The following RORA variants were observed in gnomAD, a reference collection of about 807,000 sequenced individuals.
The protein encoded by RORA is RAR related orphan receptor A.
In RORA, 7 loss-of-function variants were observed where a neutral mutation model predicts 69.5. The ratio of observed to expected loss-of-function variants is 0.10; its 90% CI spans 0.06 to 0.19. RORA has a LOEUF of 0.19. RORA is among the 10% of genes least tolerant of loss of function. The probability of loss-of-function intolerance (pLI) is 1.00; values close to 1 mark genes in which losing one functional copy is unlikely to be tolerated. For synonymous variants in RORA, 261 were observed against 240.8 expected (o/e 1.08, Z -0.78); for missense variants, 457 against 663.0 (o/e 0.69, Z 3.41).
intron 2 of RORA, among the ~76,000 whole-genome samples, chr15:60,656,207 C>T (rs1181884372): frequency 6.6e-6 from 1 of 152,176 alleles, no homozygotes; most frequent in Non-Finnish European, 1.5e-5. Flanking sequence ...TTCGCAGATA[C>T]GGAAACCAGG....
At chr15:61,173,136 G>T (rs1457287574) in intron 1 of RORA, among the ~76,000 whole-genome samples, 1 of 151,978 alleles carries the variant, frequency 6.6e-6, no homozygotes. Flanking sequence ...ACTGTACGAG[G>T]ATCCTCTCAT....
At chr15:60,982,949 C>T (rs1329329220) in intron 1 of RORA, among the ~76,000 whole-genome samples, 1 of 152,088 alleles carries the variant, frequency 6.6e-6, no homozygotes, top group African/African-American at 2.4e-5. Flanking sequence ...AGGCGAGGCA[C>T]CTCCTGCTTC....
At chr15:60,626,853 T>C (rs2069596808) in intron 2 of RORA, among the ~76,000 whole-genome samples, 1 of 152,232 alleles carries the variant, frequency 6.6e-6, no homozygotes, top group Admixed American at 6.5e-5. Flanking sequence ...GGCTCATTCA[T>C]AGACTTTGCT....
intron 1 of RORA, chr15:61,176,111 A>G (rs572700825): frequency 6.6e-6 from 1 of 152,310 alleles, no homozygotes; most frequent in African/African-American, 2.4e-5. Context: ...TACTTTGAAT[A>G]TTTTAGCACT....
At chr15:61,076,857 G>A (rs1424270119) in intron 1 of RORA, among the ~76,000 whole-genome samples, 1 of 151,640 alleles carries the variant, frequency 6.6e-6, no homozygotes, top group African/African-American at 2.4e-5. Context: ...AAAGAACTGT[G>A]AACTGTTCAG....
At chr15:61,215,758 G>A (rs939984419) in intron 1 of RORA, among the ~76,000 whole-genome samples, 7 of 152,094 alleles carry the variant, frequency 4.6e-5, no homozygotes, top group African/African-American at 1.7e-4. Context: ...AATATTATAG[G>A]ACTGGGGTTT....
At chr15:60,657,078 C>G (rs78914539) in intron 2 of RORA, among the ~76,000 whole-genome samples, 1,691 of 152,240 alleles carry the variant, frequency 0.011, 30 homozygotes, top group African/African-American at 0.038. Context: ...TGGGTTGGCA[C>G]ACAGCACCGT....
At chr15:60,616,790 C>T (rs144614801) in intron 2 of RORA, among the ~76,000 whole-genome samples, 2 of 152,334 alleles carry the variant, frequency 1.3e-5, no homozygotes, top group African/African-American at 4.8e-5. Context: ...CCAGGTTCAG[C>T]TCGACTAGCT....
chr15:60,598,366 T>G (rs998231344), intron 2 of RORA: 1 of 152,226 alleles, frequency 6.6e-6, no homozygotes, highest in African/African-American at 2.4e-5. Flanking sequence ...AGATTTGACA[T>G]GTGTAGGTTC....
intron 1 of RORA, among the ~76,000 whole-genome samples, chr15:61,129,909 C>T (rs1432075994): frequency 6.6e-6 from 1 of 152,230 alleles, no homozygotes; most frequent in Non-Finnish European, 1.5e-5. Context: ...ATTCAGTAAA[C>T]AGGGTTTCCA....
At chr15:60,693,348 G>A (rs2070856701) in intron 1 of RORA, among the ~76,000 whole-genome samples, 1 of 152,218 alleles carries the variant, frequency 6.6e-6, no homozygotes, top group African/African-American at 2.4e-5. Context: ...ATATCATGCT[G>A]AATGGGCAAA....
Position 61,226,473 on chromosome 15 carries a change from T to C in RORA, c.166+2580A>G, listed in dbSNP as rs146660446. Among the ~76,000 whole-genome samples the C allele has an allele frequency of 7.7e-3, 1,172 of 152,338 alleles. 35 individuals carry two copies. In the East Asian group the frequency reaches 0.087, roughly 11 times the overall value. On this transcript the variant is annotated intron_variant, in intron 1 of 10. Coordinates refer to ENST00000335670, the MANE Select transcript of RORA (RefSeq NM_134261.3). The surrounding 1 kb of genome is among the most constrained non-coding windows in gnomAD (Gnocchi z 4.2). ...TGGATGCCAGCTCCAATTTTCTTAC[T>C]GCTTACACTCTGGGAGCCGGCTTGC... is the stretch of plus-strand genomic sequence containing the variant.
At chr15:61,215,119 G>A (rs191273058) in intron 1 of RORA, among the ~76,000 whole-genome samples, 16 of 145,712 alleles carry the variant, frequency 1.1e-4, no homozygotes, top group East Asian at 1.0e-3. Context: ...TCATGACCTC[G>A]TGATCCGCCC....
At chr15:61,038,379 T>C (rs529492436) in intron 1 of RORA, among the ~76,000 whole-genome samples, 20 of 152,284 alleles carry the variant, frequency 1.3e-4, no homozygotes, top group South Asian at 2.1e-4. Flanking sequence ...CAATAAAACA[T>C]TGCATCCACA....
At chr15:60,516,829 T>A (rs1281682029) in intron 3 of RORA, among the ~76,000 whole-genome samples, 1 of 152,170 alleles carries the variant, frequency 6.6e-6, no homozygotes, top group Non-Finnish European at 1.5e-5. Flanking sequence ...TGTCCAACAT[T>A]ACTGAATTAA....
intron 1 of RORA, among the ~76,000 whole-genome samples, chr15:60,693,761 G>C (rs192799762): frequency 2.0e-5 from 3 of 152,220 alleles, no homozygotes; most frequent in Admixed American, 6.5e-5. Flanking sequence ...TCTTCAAGGA[G>C]AACTACAAAC....
intron 1 of RORA, among the ~76,000 whole-genome samples, chr15:60,774,972 G>C (rs545214582): frequency 5.3e-5 from 8 of 152,256 alleles, no homozygotes; most frequent in African/African-American, 1.9e-4. Flanking sequence ...CTGATATTTT[G>C]AGTATGTTAC....
chr15:60,593,040 G>C (rs1310179294), intron 2 of RORA: 1 of 438,056 alleles, frequency 2.3e-6, no homozygotes, highest in Admixed American at 2.5e-5. Flanking sequence ...TAATCGGAAG[G>C]TACGGCCCAC....
chr15:60,884,838 A>G (rs1291485213), intron 1 of RORA, among the ~76,000 whole-genome samples: 2 of 152,198 alleles, frequency 1.3e-5, no homozygotes, highest in Non-Finnish European at 2.9e-5. Context: ...CCCCCAAAAG[A>G]GCACGGGAGT....
Sources: allele counts gnomAD v4.1 joint callset (sites outside exome capture counted in the v4.1 genomes callset), GRCh38; gene constraint gnomAD v4.1.1; non-coding constraint Gnocchi (gnomAD v3.1); transcripts MANE v1.5; gene names NCBI Gene and HGNC (gene_info 2026-07-23, HGNC 2026-07-21).